Variants in TSPAN16 observed in about 807,000 individuals in gnomAD.
TSPAN16 encodes tetraspanin 16.
In TSPAN16, 23 loss-of-function variants were observed where a neutral mutation model predicts 25.2. The ratio of observed to expected loss-of-function variants is 0.91; its 90% CI spans 0.66 to 1.29. The LOEUF (loss-of-function observed/expected upper bound fraction) is 1.29, where lower values mean the gene tolerates loss of function less well. Among genes scored for constraint, TSPAN16 ranks in the 50% most tolerant of loss-of-function variants. The pLI, the probability that TSPAN16 is intolerant of heterozygous loss-of-function variation, is 0.00. For missense variants in TSPAN16, 272 were observed against 299.9 expected, an observed-to-expected ratio of 0.91 and a Z score of 0.69; for synonymous variants, 123 against 124.4, an observed-to-expected ratio of 0.99 and a Z score of 0.08.
At chr19:11,314,892 G>A (rs533410677) in intron 6 of TSPAN16, among the ~76,000 whole-genome samples, 31 of 152,224 alleles carry the variant, frequency 2.0e-4, no homozygotes, top group Admixed American at 7.2e-4. Context: ...GAAGTTATGT[G>A]GCAGTGGAGT....
chr19:11,313,395 TCAGCTGAGATTA>T (rs2080713820), intron 6 of TSPAN16, among the ~76,000 whole-genome samples: 1 of 151,650 alleles, frequency 6.6e-6, no homozygotes, highest in African/African-American at 2.4e-5. Flanking sequence ...GCCTGTAATC[TCAGCTGAGATTA>T]CAGCTGGGAT....
intron 6 of TSPAN16, among the ~76,000 whole-genome samples, chr19:11,326,609 G>C (rs1316250015): frequency 1.3e-5 from 2 of 152,120 alleles, no homozygotes; most frequent in Non-Finnish European, 2.9e-5. Context: ...ATTTTCCATT[G>C]CTTTTTTTAA....
chr19:11,303,906 C>T (rs1418132838), intron 4 of TSPAN16, among the ~76,000 whole-genome samples: 3 of 151,570 alleles, frequency 2.0e-5, no homozygotes, highest in Non-Finnish European at 4.4e-5. Flanking sequence ...GCCTTAGCCT[C>T]CCAGGTAGCT....
Position 11,298,370 on chromosome 19 carries a change from C to T in TSPAN16, c.267+31C>T, listed in dbSNP as rs1461942228. ...TTGGATCTGCACACAGACCCCAGAA[C>T]TGCCTCCCCACACACACAAATCTTT... On this transcript the variant is annotated intron_variant, in intron 2 of 6. Coordinates refer to ENST00000590327, the MANE Select transcript of TSPAN16 (RefSeq NM_001282509.2). 2.5e-6 allele frequency: 4 copies of T among 1,602,684 alleles called. 1 individual carries two copies. In the South Asian group the frequency reaches 4.4e-5, roughly 18 times the overall value.
intron 6 of TSPAN16, among the ~76,000 whole-genome samples, chr19:11,315,531 G>C (rs959614036): frequency 6.6e-6 from 1 of 150,938 alleles, no homozygotes; most frequent in Admixed American, 6.6e-5. Context: ...ACTCCAGCCT[G>C]GGCGACAGAG....
rs140496064 is a variant in TSPAN16, at chr19:11,306,748, C to A, written c.595C>A (p.His199Asn). 6.2e-7 allele frequency: 1 copy of A among 1,613,658 alleles called. No homozygotes were observed. Among genetic ancestry groups the A allele is most frequent in the Non-Finnish European group, 8.5e-7 (1 of 1,179,802 alleles). ...ACGCGATGTGTCTCCAAACGTCATC[C>A]ACCAGAAGGTAACTGGAGATTTTGT... ...DGRDVSPNVI[H>N]QKGCFHKLLK... The change falls in exon 5 of 7, where the codon CAC becomes AAC. Residue 199 changes from histidine (H) to asparagine (N), a missense_variant. Transcript: ENST00000590327.
At chr19:11,302,660 CAT>C (rs772111584) in intron 4 of TSPAN16, among the ~76,000 whole-genome samples, 7,968 of 97,684 alleles carry the variant, frequency 0.082, 286 homozygotes, top group Non-Finnish European at 0.089. Flanking sequence ...TATACACATA[CAT>C]ATATATATAT....
chr19:11,304,665 C>T (rs1013145065), intron 4 of TSPAN16, among the ~76,000 whole-genome samples: 2 of 151,754 alleles, frequency 1.3e-5, no homozygotes, highest in Non-Finnish European at 2.9e-5. Flanking sequence ...GCTGGGACCA[C>T]AGGTGCCTGC....
At chr19:11,317,295 AT>A (rs1487579395), downstream of TSPAN16, among the ~76,000 whole-genome samples, 1 of 152,098 alleles carries the variant, frequency 6.6e-6, no homozygotes, top group Non-Finnish European at 1.5e-5. Flanking sequence ...TACCTAGGCC[AT>A]TGTTGAGTCT....
At chr19:11,299,506 G>A (rs998102725) in intron 3 of TSPAN16, among the ~76,000 whole-genome samples, 4 of 152,188 alleles carry the variant, frequency 2.6e-5, no homozygotes, top group African/African-American at 9.6e-5. Flanking sequence ...ATGATCAGAA[G>A]TGTTTGCATA....
intron 6 of TSPAN16, among the ~76,000 whole-genome samples, chr19:11,313,666 AT>A (rs992601460): frequency 7.0e-6 from 1 of 141,852 alleles, no homozygotes; most frequent in Non-Finnish European, 1.5e-5. Context: ...ACCACCCATC[AT>A]TAATTAGGGA....
At chr19:11,296,451 C>T in intron 1 of TSPAN16, 85 bp downstream of exon 1, 1 of 1,419,152 alleles carries the variant, frequency 7.0e-7, no homozygotes, top group Non-Finnish European at 9.9e-7. Flanking sequence ...TAAGTTGATC[C>T]AAATTGGCAT....
intron 4 of TSPAN16, among the ~76,000 whole-genome samples, chr19:11,306,197 C>A (rs1365942017): frequency 6.6e-6 from 1 of 151,730 alleles, no homozygotes. Context: ...AGGAGTTCAG[C>A]TTTTTTTTCT....
intron 4 of TSPAN16, among the ~76,000 whole-genome samples, chr19:11,302,778 A>G (rs322158): frequency 0.45 from 67,274 of 149,690 alleles, 18,233 homozygotes; most frequent in African/African-American, 0.77. Flanking sequence ...GAGTGCGGTA[A>G]GGGGATCATG....
rs1182790527 is a variant in TSPAN16 at position 11,306,609 on chromosome 19, G to A, written c.456G>A (p.Lys152=). The change falls in exon 5 of 7, where the codon AAG becomes AAA. Residue 152 remains lysine (K), a synonymous_variant. Coordinates refer to ENST00000590327, the MANE Select transcript of TSPAN16 (RefSeq NM_001282509.2). ...ATTTCTTCTCCTCTCTATAGCTAAA[G>A]TGCTGTGGGGTGAATAACTACACAG... ...TQWNLVMEKL[K]CCGVNNYTDF... 3 of 1,613,478 alleles carry A rather than the reference G, an allele frequency of 1.9e-6. No individual in the cohort carries two copies.
At chr19:11,322,186 C>T (rs921272294) in intron 6 of TSPAN16, 2 of 152,082 alleles carry the variant, frequency 1.3e-5, no homozygotes, top group African/African-American at 2.4e-5. Flanking sequence ...AGCCAGAGCT[C>T]GTTCAGTAGT....
rs322157 is a variant in TSPAN16, at chr19:11,303,148, G to A, written c.450+1840G>A. 5.4e-3 allele frequency among the ~76,000 whole-genome samples: 799 copies of A among 148,508 alleles called. 39 individuals are homozygous for A. The highest frequency in any genetic ancestry group is 0.02 in the African/African-American group (769 of 38,172). ...AGGTGGGGAAAAGATTGAGAAATCGGATGGTTGTCGTGTCTGTGTAGAAAG... is the reference window on the plus strand; with the variant it reads ...AGGTGGGGAAAAGATTGAGAAATCGAATGGTTGTCGTGTCTGTGTAGAAAG... On this transcript the variant is annotated intron_variant, in intron 4 of 6. Coordinates refer to ENST00000590327, the MANE Select transcript of TSPAN16 (RefSeq NM_001282509.2).
rs1273005510 is a variant in TSPAN16 at position 11,296,366 on chromosome 19, TGTAA to T, written c.69+4_69+7del. 6.2e-6 allele frequency: 10 copies of T among 1,613,982 alleles called. No individual in the cohort carries two copies. The highest frequency in any genetic ancestry group is 4.0e-5 in the African/African-American group (3 of 74,918). The stretch of plus-strand genomic sequence containing the variant: ...TATCTTTACTCAATGGCTTCGTGGC[TGTAA>T]GTATGTCACAATCCAGGCCCCTGGT... On this transcript the variant is annotated splice_donor_variant and splice_donor_region_variant and intron_variant, in intron 1 of 6. Transcript: ENST00000590327. LOFTEE classifies it high-confidence loss of function.
chr19:11,315,790 G>C lies in TSPAN16; in HGVS notation c.688-1G>C. On this transcript the variant is annotated splice_acceptor_variant, in intron 6 of 6. Coordinates refer to ENST00000590327, the MANE Select transcript of TSPAN16 (RefSeq NM_001282509.2). LOFTEE classifies it high-confidence loss of function. ...CATGTTTCTTTCTTCACGCATTTCA[G>C]TTGCCAGGAATTCTTGCCACTTTGC... is the stretch of plus-strand genomic sequence containing the variant. 1 of 1,231,854 alleles carries C rather than the reference G, an allele frequency of 8.1e-7. No homozygotes were observed. Among genetic ancestry groups the C allele is most frequent in the Non-Finnish European group, 1.0e-6 (1 of 987,824 alleles). 76.3% of individuals were successfully genotyped at this position (1,231,854 alleles called of 1,614,324 possible).
Sources: allele counts gnomAD v4.1 joint callset (sites outside exome capture counted in the v4.1 genomes callset), GRCh38; gene constraint gnomAD v4.1.1; transcripts MANE v1.5; gene names NCBI Gene and HGNC (gene_info 2026-07-23, HGNC 2026-07-21).